The following TLR2 variants were observed in gnomAD, a reference collection of about 807,000 sequenced individuals.
TLR2 encodes toll like receptor 2.
TLR2 carries 7 observed loss-of-function variants against 9.1 expected under a neutral mutation model. The observed-to-expected ratio is 0.77, with a 90% CI of 0.44 to 1.44. TLR2 has a LOEUF of 1.44. Among genes scored for constraint, TLR2 ranks in the 40% most tolerant of loss-of-function variants. The pLI, the probability that TLR2 is intolerant of heterozygous loss-of-function variation, is 0.01. For synonymous variants in TLR2, 317 were observed against 344.6 expected (o/e 0.92, Z 0.89); for missense variants, 812 against 904.6 (o/e 0.90, Z 1.31).
chr4:153,688,962 A>G (rs754005910), intron 2 of TLR2, among the ~76,000 whole-genome samples: 21 of 152,234 alleles, frequency 1.4e-4, no homozygotes, highest in Non-Finnish European at 1.6e-4. Flanking sequence ...GGATTCGCAT[A>G]TGCATACTAT....
chr4:153,699,846 A>G (rs956320663), intron 2 of TLR2, among the ~76,000 whole-genome samples: 3 of 152,244 alleles, frequency 2.0e-5, no homozygotes, highest in African/African-American at 7.2e-5. Flanking sequence ...CATGGTCAGT[A>G]TACAAAATTT....
rs1737313276 is a variant in TLR2, at chr4:153,706,059, T to C, written c.*797T>C. Among the ~76,000 whole-genome samples, 1 of 152,242 alleles carries C rather than the reference T, an allele frequency of 6.6e-6. No individual in the cohort carries two copies. On this transcript the variant is annotated 3_prime_UTR_variant, in exon 3 of 3. Transcript: ENST00000642700. ...TTGCTATTCCTAGAAAAAAGTGCTG[T>C]GTATTTCCTATTAAACTTTACAGGA...
intron 2 of TLR2, among the ~76,000 whole-genome samples, chr4:153,696,863 CAAA>C (rs55699629): frequency 6.7e-6 from 1 of 149,290 alleles, no homozygotes; most frequent in African/African-American, 2.5e-5. Flanking sequence ...AGCCCATCTA[CAAA>C]AAAAAAAAGG....
At chr4:153,700,734 C>T (rs1380309248) in intron 2 of TLR2, among the ~76,000 whole-genome samples, 2 of 152,114 alleles carry the variant, frequency 1.3e-5, no homozygotes, top group African/African-American at 4.8e-5. Context: ...ATACATCTAT[C>T]ACCTAGATAT....
intron 2 of TLR2, among the ~76,000 whole-genome samples, chr4:153,692,963 C>T (rs1164114469): frequency 6.6e-6 from 1 of 152,162 alleles, no homozygotes; most frequent in Non-Finnish European, 1.5e-5. Flanking sequence ...GTTATTTCAC[C>T]AGTAGGATGT....
Position 153,705,183 on chromosome 4 carries a change from A to C in TLR2, c.2276A>C (p.Lys759Thr). ...AAGCTGCGGAAGATAATGAACACCA[A>C]GACCTACCTGGAGTGGCCCATGGAC... ...FCKLRKIMNTKTYLEWPMDEA... is the reference protein window; with the variant it reads ...FCKLRKIMNTTTYLEWPMDEA... Residue 759 changes from lysine (K) to threonine (T), a missense_variant, in exon 3 of 3, where the codon AAG (lysine) becomes ACG (threonine). Coordinates refer to ENST00000642700, the MANE Select transcript of TLR2 (RefSeq NM_001318789.2). 1 of 1,614,028 alleles carries C rather than the reference A, an allele frequency of 6.2e-7. No homozygotes were observed. The highest frequency in any genetic ancestry group is 1.1e-5 in the South Asian group (1 of 91,068).
At chr4:153,694,564 A>C (rs536394707) in intron 2 of TLR2, among the ~76,000 whole-genome samples, 21 of 152,294 alleles carry the variant, frequency 1.4e-4, no homozygotes, top group African/African-American at 4.6e-4. Flanking sequence ...TACATAGTAG[A>C]TGTATATATT....
At position 153,703,159 on chromosome 4, in the gene TLR2, A is replaced by G; in HGVS notation, c.252A>G (p.Thr84=). 6.2e-7 allele frequency: 1 copy of G among 1,614,166 alleles called. No individual in the cohort carries two copies. The highest frequency in any genetic ancestry group is 1.1e-5 in the South Asian group (1 of 91,074). ...RCVNLQALVL[T]SNGINTIEED... is the part of the protein sequence containing the mutation. ...TGAACCTCCAGGCTCTGGTGCTGAC[A>G]TCCAATGGAATTAACACAATAGAGG... The change falls in exon 3 of 3, where the codon ACA becomes ACG. Residue 84 remains threonine (T), a synonymous_variant. Transcript: ENST00000642700.
At chr4:153,696,947 A>T (rs1344462715) in intron 2 of TLR2, among the ~76,000 whole-genome samples, 1 of 152,160 alleles carries the variant, frequency 6.6e-6, no homozygotes, top group Non-Finnish European at 1.5e-5. Context: ...AGAAGGTAAG[A>T]TGTGTTTTGG....
chr4:153,698,672 T>TA (rs1736675048), intron 2 of TLR2, among the ~76,000 whole-genome samples: 1 of 152,210 alleles, frequency 6.6e-6, no homozygotes, highest in Non-Finnish European at 1.5e-5. Context: ...TATAAGATAA[T>TA]AAAAACCTCA....
In TLR2 at chr4:153,705,123, C is replaced by G. The variant is rs1423010206; in HGVS notation, c.2216C>G (p.Pro739Arg). Residue 739 changes from proline to arginine, a missense_variant, in exon 3 of 3, where the codon CCC becomes CGC. Coordinates refer to ENST00000642700, the MANE Select transcript of TLR2 (RefSeq NM_001318789.2). ...NDAAILILLEPIEKKAIPQRF... is the reference protein window; with the variant it reads ...NDAAILILLERIEKKAIPQRF... ...GCTGCCATTCTCATTCTTCTGGAGCCCATTGAGAAAAAAGCCATTCCCCAG... is the reference window on the plus strand; with the variant it reads ...GCTGCCATTCTCATTCTTCTGGAGCGCATTGAGAAAAAAGCCATTCCCCAG... 1.1e-5 allele frequency: 17 copies of G among 1,613,944 alleles called. No homozygotes were observed. Among genetic ancestry groups the G allele is most frequent in the Non-Finnish European group, 1.3e-5 (15 of 1,180,018 alleles).
At chr4:153,710,522 C>G (rs1233354420), downstream of TLR2, 1 of 1,598,048 alleles carries the variant, frequency 6.3e-7, no homozygotes, top group Non-Finnish European at 8.6e-7. Context: ...GTTCTATATA[C>G]AGCCAAGTAG....
chr4:153,685,740 AAACT>A (rs1171093626), intron 1 of TLR2, among the ~76,000 whole-genome samples: 1 of 152,194 alleles, frequency 6.6e-6, no homozygotes, highest in African/African-American at 2.4e-5. Context: ...TTTTATTGAT[AAACT>A]AACAGAGTAG....
In TLR2 at chr4:153,703,748, G is replaced by C; in HGVS notation, c.841G>C (p.Glu281Gln). ...KLLNQISGLL[E>Q]LEFDDCTLNG... ...TTTGAATCAGATTTCTGGATTGTTA[G>C]AATTAGAGTTTGATGACTGTACCCT... Residue 281 changes from glutamate to glutamine, a missense_variant, in exon 3 of 3, where the codon GAA becomes CAA. By Grantham distance (29) the Glu-to-Gln change is conservative. Coordinates refer to ENST00000642700, the MANE Select transcript of TLR2 (RefSeq NM_001318789.2). 2 of 1,613,894 alleles carry C rather than the reference G, an allele frequency of 1.2e-6. No individual in the cohort carries two copies. The highest frequency in any genetic ancestry group is 1.7e-6 in the Non-Finnish European group (2 of 1,179,930).
At chr4:153,698,125 C>T (rs1240648743) in intron 2 of TLR2, among the ~76,000 whole-genome samples, 2 of 152,044 alleles carry the variant, frequency 1.3e-5, no homozygotes, top group African/African-American at 2.4e-5. Context: ...TTAAAAGATT[C>T]GTGGAAAGGA....
At position 153,704,344 on chromosome 4, in the gene TLR2, CAAAG is replaced by C. The variant is rs1221864448; in HGVS notation, c.1440_1443del (p.Lys480AsnfsTer9). The C allele has an allele frequency of 1.2e-6, 2 of 1,613,598 alleles. No homozygotes were observed. The highest frequency in any genetic ancestry group is 1.7e-5 in the Admixed American group (1 of 59,904). ...TATTTTCTTTGAATTTGCCGCAACT[CAAAG>C]AACTTTATATTTCCAGAAATAAGTT... On this transcript the variant is annotated frameshift_variant, in exon 3 of 3. Coordinates refer to ENST00000642700, the MANE Select transcript of TLR2 (RefSeq NM_001318789.2). LOFTEE classifies it low-confidence loss of function (END_TRUNC).
intron 2 of TLR2, among the ~76,000 whole-genome samples, chr4:153,693,345 G>C (rs1006681052): frequency 1.3e-4 from 20 of 152,144 alleles, no homozygotes; most frequent in African/African-American, 4.6e-4. Flanking sequence ...TAAATTCTTT[G>C]AGTAATTTAA....
intron 2 of TLR2, among the ~76,000 whole-genome samples, chr4:153,693,072 A>C (rs1297871900): frequency 6.6e-6 from 1 of 152,202 alleles, no homozygotes; most frequent in Non-Finnish European, 1.5e-5. Flanking sequence ...CCATTTCCAC[A>C]TATGGCATAA....
chr4:153,695,959 C>T (rs1181277612), intron 2 of TLR2, among the ~76,000 whole-genome samples: 1 of 152,058 alleles, frequency 6.6e-6, no homozygotes, highest in Non-Finnish European at 1.5e-5. Context: ...GTTCTTGACA[C>T]TTTTATTGAA....
Sources: allele counts gnomAD v4.1 joint callset (sites outside exome capture counted in the v4.1 genomes callset), GRCh38; gene constraint gnomAD v4.1.1; transcripts MANE v1.5; gene names NCBI Gene and HGNC (gene_info 2026-07-23, HGNC 2026-07-21).